Variants in VEPH1 observed in about 807,000 individuals in gnomAD.
VEPH1 encodes the protein ventricular zone-expressed PH domain-containing protein homolog 1.
In VEPH1, 80 loss-of-function variants were observed where a neutral mutation model predicts 85.2. The ratio of observed to expected loss-of-function variants is 0.94; its 90% CI spans 0.78 to 1.13. The LOEUF (loss-of-function observed/expected upper bound fraction) is 1.13, where lower values mean the gene tolerates loss of function less well. Ranked by LOEUF, VEPH1 falls within the 50% of genes most tolerant of loss-of-function variation. VEPH1 has a pLI of 0.00. For missense variants in VEPH1, 955 were observed against 980.5 expected (o/e 0.97, Z 0.35); for synonymous variants, 297 against 348.0 (o/e 0.85, Z 1.63).
intron 6 of VEPH1, among the ~76,000 whole-genome samples, chr3:157,390,631 T>A (rs1012076173): frequency 6.6e-6 from 1 of 152,186 alleles, no homozygotes; most frequent in Non-Finnish European, 1.5e-5. Flanking sequence ...GAGCTTTAAT[T>A]CAAGAAGGAG....
intron 6 of VEPH1, among the ~76,000 whole-genome samples, chr3:157,386,250 CAAA>C (rs71302265): frequency 2.1e-4 from 8 of 38,484 alleles, no homozygotes; most frequent in South Asian, 1.4e-3. Flanking sequence ...AATGGTTCCA[CAAA>C]AAAAAAAAAA....
At chr3:157,339,511 G>A (rs1559971958) in intron 9 of VEPH1, among the ~76,000 whole-genome samples, 1 of 152,078 alleles carries the variant, frequency 6.6e-6, no homozygotes, top group African/African-American at 2.4e-5. Context: ...GGACAAGTAG[G>A]GCAAAGGTAG....
chr3:157,401,301 A>T (rs1730774686), intron 6 of VEPH1, among the ~76,000 whole-genome samples: 1 of 152,188 alleles, frequency 6.6e-6, no homozygotes. Context: ...CCAGGAAAAA[A>T]GTATATGCTT....
chr3:157,447,899 T>G (rs897954482), intron 4 of VEPH1, among the ~76,000 whole-genome samples: 2 of 152,202 alleles, frequency 1.3e-5, no homozygotes, highest in South Asian at 4.2e-4. Context: ...CTAGCCTGCC[T>G]CCAGTCTTTT....
At chr3:157,345,777 A>G (rs1249713148) in intron 9 of VEPH1, among the ~76,000 whole-genome samples, 1 of 152,184 alleles carries the variant, frequency 6.6e-6, no homozygotes, top group Non-Finnish European at 1.5e-5. Context: ...CTTGGAACCA[A>G]CCCAAATGTC....
intron 11 of VEPH1, among the ~76,000 whole-genome samples, chr3:157,292,997 A>G (rs1336346456): frequency 6.6e-6 from 1 of 151,822 alleles, no homozygotes; most frequent in African/African-American, 2.4e-5. Context: ...AAAAAAAAAA[A>G]AAGAAAAAAG....
chr3:157,404,051 G>C (rs940577471), intron 6 of VEPH1, among the ~76,000 whole-genome samples: 2 of 152,260 alleles, frequency 1.3e-5, no homozygotes, highest in East Asian at 3.9e-4. Flanking sequence ...TGAAAAACCA[G>C]TATCCATAAC....
intron 9 of VEPH1, among the ~76,000 whole-genome samples, chr3:157,343,606 G>C (rs997746363): frequency 2.6e-5 from 4 of 152,082 alleles, no homozygotes; most frequent in African/African-American, 9.7e-5. Flanking sequence ...GTACAAGGAG[G>C]AGCTGGTACC....
At position 157,300,636 on chromosome 3, in the gene VEPH1, G is replaced by A. The variant is rs75793765; in HGVS notation, c.2010+12985C>T. On this transcript the variant is annotated intron_variant, in intron 11 of 13. Coordinates refer to ENST00000362010, the MANE Select transcript of VEPH1 (RefSeq NM_001167912.2). ...AGAGTAAAGGTAATAATTTTCTAAA[G>A]GAGATAAGAGGATTAAAAAGAAAGA... Among the ~76,000 whole-genome samples the A allele has an allele frequency of 2.7e-3, 416 of 152,268 alleles. 5 individuals carry two copies. In the East Asian group the frequency reaches 0.042, roughly 16 times the overall value.
chr3:157,277,022 T>C (rs1192051244), intron 12 of VEPH1, among the ~76,000 whole-genome samples: 1 of 152,102 alleles, frequency 6.6e-6, no homozygotes, highest in Non-Finnish European at 1.5e-5. Context: ...GCCCTGCAAG[T>C]AGCTGGGACT....
chr3:157,483,661 G>A (rs1738346637), intron 2 of VEPH1, among the ~76,000 whole-genome samples: 1 of 152,100 alleles, frequency 6.6e-6, no homozygotes, highest in African/African-American at 2.4e-5. Context: ...AGACTTAATG[G>A]ATTGGAAGAT....
chr3:157,492,341 C>T (rs1005510468), intron 2 of VEPH1, among the ~76,000 whole-genome samples: 1 of 152,084 alleles, frequency 6.6e-6, no homozygotes, highest in Non-Finnish European at 1.5e-5. Context: ...ATCAGTACAT[C>T]GTGTTTTAAT....
chr3:157,279,093 CT>C (rs1440255522), intron 12 of VEPH1, among the ~76,000 whole-genome samples: 11 of 152,062 alleles, frequency 7.2e-5, no homozygotes, highest in Admixed American at 2.0e-4. Flanking sequence ...TGATGTAAAT[CT>C]TGAATTCAGA....
At chr3:157,492,571 A>G (rs1739314184) in intron 2 of VEPH1, among the ~76,000 whole-genome samples, 1 of 152,188 alleles carries the variant, frequency 6.6e-6, no homozygotes, top group South Asian at 2.1e-4. Context: ...CCTGGTGCTT[A>G]TCTTCAAAAG....
chr3:157,499,086 G>A (rs2086246497), intron 1 of VEPH1, among the ~76,000 whole-genome samples: 5 of 152,106 alleles, frequency 3.3e-5, no homozygotes, highest in Admixed American at 3.3e-4. Flanking sequence ...TACACACAGA[G>A]CCAATATTCA....
chr3:157,315,416 A>G (rs888191598), intron 10 of VEPH1, among the ~76,000 whole-genome samples: 1 of 152,076 alleles, frequency 6.6e-6, no homozygotes, highest in Non-Finnish European at 1.5e-5. Context: ...TTTTTCATTT[A>G]AACAACAGAA....
intron 11 of VEPH1, among the ~76,000 whole-genome samples, chr3:157,290,035 AACACAC>A (rs34035101): frequency 0.12 from 17,342 of 144,186 alleles, 2,116 homozygotes; most frequent in African/African-American, 0.32. Context: ...ATTATACACA[AACACAC>A]ACACACACAC....
intron 4 of VEPH1, among the ~76,000 whole-genome samples, chr3:157,431,917 G>A (rs1733189983): frequency 6.6e-6 from 1 of 151,772 alleles, no homozygotes; most frequent in Admixed American, 6.6e-5. Context: ...GCGTGATCTT[G>A]GCTCACTGCA....
chr3:157,378,629 C>T (rs747627278), intron 7 of VEPH1, among the ~76,000 whole-genome samples: 2 of 151,920 alleles, frequency 1.3e-5, no homozygotes, highest in African/African-American at 4.8e-5. Context: ...TTTATATGCT[C>T]AATCAAACTC....
Sources: gnomAD v4.1 joint callset for allele counts (sites outside exome capture counted in the v4.1 genomes callset) on GRCh38, gnomAD v4.1.1 for gene constraint, MANE v1.5 for transcripts, NCBI Gene and HGNC (gene_info 2026-07-23, HGNC 2026-07-21) for gene names.